Variants in MICU1 observed in about 807,000 individuals in gnomAD.
MICU1 encodes the protein calcium uptake protein 1, mitochondrial.
MICU1 carries 45 observed loss-of-function variants against 56.8 expected under a neutral mutation model. The observed-to-expected ratio is 0.79, with a 90% CI of 0.62 to 1.02. The LOEUF is 1.02. Ranked by LOEUF, MICU1 falls within the 50% of genes least tolerant of loss-of-function variation. The pLI, the probability that MICU1 is intolerant of heterozygous loss-of-function variation, is 0.00. For missense variants in MICU1, 504 were observed against 587.1 expected (o/e 0.86, Z 1.46); for synonymous variants, 186 against 195.1 (o/e 0.95, Z 0.39).
intron 6 of MICU1, among the ~76,000 whole-genome samples, chr10:72,492,343 T>A (rs1054657654): frequency 6.6e-6 from 1 of 152,130 alleles, no homozygotes; most frequent in Non-Finnish European, 1.5e-5. Context: ...CCGAGAGATA[T>A]GAGAATGTCT....
intron 1 of MICU1, among the ~76,000 whole-genome samples, chr10:72,613,432 G>A (rs1004129215): frequency 3.3e-5 from 5 of 151,404 alleles, no homozygotes; most frequent in African/African-American, 4.9e-5. Context: ...GTGCCACCAC[G>A]CCTGGCTGAT....
chr10:72,540,202 G>A (rs1839735764), intron 4 of MICU1, among the ~76,000 whole-genome samples: 1 of 150,664 alleles, frequency 6.6e-6, no homozygotes, highest in Admixed American at 6.6e-5. Context: ...AGGAGATGGA[G>A]GTTGCAGTGA....
At chr10:72,423,006 G>GT (rs1864227466) in intron 9 of MICU1, among the ~76,000 whole-genome samples, 3 of 151,924 alleles carry the variant, frequency 2.0e-5, no homozygotes, top group Non-Finnish European at 4.4e-5. Context: ...CTCAATTTCA[G>GT]TTGGTGCCAC....
At position 72,368,301 on chromosome 10, in the gene MICU1, A is replaced by T. The variant is rs767455392; in HGVS notation, c.1325T>A (p.Met442Lys). The change falls in exon 12 of 12, where the codon ATG becomes AAG. Residue 442 changes from methionine to lysine, a missense_variant. By Grantham distance (95) the Met-to-Lys change is moderately conservative. Coordinates refer to ENST00000361114, the MANE Select transcript of MICU1 (RefSeq NM_001195518.2). ...GTCTTTGGGCTTTTCCAGGCCTCTC[A>T]TCAGCCGTTGCTTCATGATGGAAAC... ...EFVSIMKQRL[M>K]RGLEKPKDMG... 6.2e-7 allele frequency: 1 copy of T among 1,613,990 alleles called. No homozygotes were observed. Among genetic ancestry groups the T allele is most frequent in the South Asian group, 1.1e-5 (1 of 91,090 alleles).
intron 1 of MICU1, among the ~76,000 whole-genome samples, chr10:72,582,442 C>G (rs1840924215): frequency 6.6e-6 from 1 of 152,072 alleles, no homozygotes; most frequent in Admixed American, 6.6e-5. Flanking sequence ...AACAACTATT[C>G]AAATAACCAT....
intron 10 of MICU1, among the ~76,000 whole-genome samples, chr10:72,378,383 T>C (rs764458829): frequency 6.6e-6 from 1 of 152,142 alleles, no homozygotes; most frequent in African/African-American, 2.4e-5. Flanking sequence ...GTTCTCATGA[T>C]AGTAAGCGAG....
intron 10 of MICU1, among the ~76,000 whole-genome samples, chr10:72,402,544 C>T (rs1454329097): frequency 6.6e-6 from 1 of 150,980 alleles, no homozygotes; most frequent in Non-Finnish European, 1.5e-5. Context: ...CAAACTTGGC[C>T]CAAATAAACT....
intron 1 of MICU1, among the ~76,000 whole-genome samples, chr10:72,599,059 C>T (rs1320288191): frequency 6.6e-6 from 1 of 152,168 alleles, no homozygotes; most frequent in Non-Finnish European, 1.5e-5. Context: ...ACAAAGGAAA[C>T]ACCAAATGCC....
intron 8 of MICU1, among the ~76,000 whole-genome samples, chr10:72,468,809 T>C (rs1216304503): frequency 6.6e-6 from 1 of 152,206 alleles, no homozygotes; most frequent in African/African-American, 2.4e-5. Context: ...CTGAAGAAGG[T>C]AGACTGTACA....
At chr10:72,604,968 T>C (rs1173491928) in intron 1 of MICU1, among the ~76,000 whole-genome samples, 1 of 152,214 alleles carries the variant, frequency 6.6e-6, no homozygotes, top group Non-Finnish European at 1.5e-5. Context: ...ATGACCATAA[T>C]GAGAATTAAA....
chr10:72,389,178 GT>G (rs1349146181), intron 10 of MICU1, among the ~76,000 whole-genome samples: 1 of 152,206 alleles, frequency 6.6e-6, no homozygotes, highest in East Asian at 1.9e-4. Context: ...AAAGACAGTT[GT>G]TCAGAATATA....
At chr10:72,553,364 G>A (rs891061345) in intron 3 of MICU1, among the ~76,000 whole-genome samples, 1 of 151,578 alleles carries the variant, frequency 6.6e-6, no homozygotes, top group African/African-American at 2.4e-5. Flanking sequence ...CTCCCTAGTA[G>A]CTGGGACTAC....
At chr10:72,511,992 A>G (rs1436580816) in intron 5 of MICU1, among the ~76,000 whole-genome samples, 2 of 151,862 alleles carry the variant, frequency 1.3e-5, no homozygotes, top group African/African-American at 4.8e-5. Flanking sequence ...ATGCTTTACC[A>G]GGTTTCTAGG....
At chr10:72,610,040 A>AAAAAAG (rs1841801444) in intron 1 of MICU1, among the ~76,000 whole-genome samples, 1 of 151,900 alleles carries the variant, frequency 6.6e-6, no homozygotes, top group Non-Finnish European at 1.5e-5. Context: ...CATCTAAAAA[A>AAAAAAG]AAAAAGAAAA....
chr10:72,541,437 T>C (rs915506711), intron 4 of MICU1, among the ~76,000 whole-genome samples: 1 of 152,198 alleles, frequency 6.6e-6, no homozygotes, highest in Non-Finnish European at 1.5e-5. Flanking sequence ...AATCTAAGAT[T>C]GATCTTTTGA....
At chr10:72,385,171 G>A (rs1257885348) in intron 10 of MICU1, among the ~76,000 whole-genome samples, 1 of 151,980 alleles carries the variant, frequency 6.6e-6, no homozygotes, top group East Asian at 1.9e-4. Flanking sequence ...TGTGATTTCA[G>A]CAAGTCATTT....
rs1564923265 is a variant in MICU1, at chr10:72,535,003, A to ATATTTTATTTTATT, written c.494-1215_494-1214insAATAAAATAAAATA. ...AAACTTTGATTGCCTATCTCCCTCT[A>ATATTTTATTTTATT]TTTTTTATTTTATTTTATTTTATTT... On this transcript the variant is annotated intron_variant, in intron 4 of 11. Coordinates refer to ENST00000361114, the MANE Select transcript of MICU1 (RefSeq NM_001195518.2). Among the ~76,000 whole-genome samples the ATATTTTATTTTATT allele has an allele frequency of 5.2e-4, 24 of 45,916 alleles. 1 individual carries two copies. Among genetic ancestry groups the ATATTTTATTTTATT allele is most frequent in the African/African-American group, 1.6e-3 (21 of 13,322 alleles). The allele number at this position is 45,916 out of a possible 152,430, so 30.1% of individuals were successfully genotyped here. A position where few individuals can be genotyped will look rare whatever the true frequency, so the allele number is the denominator to read the frequency against.
chr10:72,491,994 T>C (rs1866672578), intron 6 of MICU1, among the ~76,000 whole-genome samples: 1 of 152,142 alleles, frequency 6.6e-6, no homozygotes, highest in Non-Finnish European at 1.5e-5. Context: ...CCTCCAAACA[T>C]CCCTAACTAG....
At chr10:72,531,248 G>A (rs1839474760) in intron 5 of MICU1, among the ~76,000 whole-genome samples, 1 of 152,022 alleles carries the variant, frequency 6.6e-6, no homozygotes, top group South Asian at 2.1e-4. Context: ...AGTCTAAAAG[G>A]AAATTCCTCT....
Sources: gnomAD v4.1 joint callset for allele counts (sites outside exome capture counted in the v4.1 genomes callset) on GRCh38, gnomAD v4.1.1 for gene constraint, MANE v1.5 for transcripts, NCBI Gene and HGNC (gene_info 2026-07-23, HGNC 2026-07-21) for gene names.